Variants in SCAF4 observed in about 807,000 individuals in gnomAD.
SCAF4 encodes SR-related and CTD-associated factor 4.
Under a neutral mutation model 129.8 loss-of-function variants are expected in SCAF4, and 25 were observed. The observed-to-expected ratio is 0.19, with a 90% CI of 0.14 to 0.27. The LOEUF is 0.27. Ranked by LOEUF, SCAF4 falls within the 10% of genes least tolerant of loss-of-function variation. The pLI, the probability that SCAF4 is intolerant of heterozygous loss-of-function variation, is 1.00. For missense variants in SCAF4, 1,246 were observed against 1,457.1 expected, an observed-to-expected ratio of 0.86 and a Z score of 2.36; for synonymous variants, 551 against 497.7, an observed-to-expected ratio of 1.11 and a Z score of -1.43.
At chr21:31,726,394 C>G (rs1392214172) in intron 1 of SCAF4, among the ~76,000 whole-genome samples, 1 of 152,200 alleles carries the variant, frequency 6.6e-6, no homozygotes. Context: ...GGCATGGTGG[C>G]TCATGCCTGC....
chr21:31,671,174 TTTA>T lies in SCAF4; in HGVS notation c.*222_*224del, dbSNP rs2049680132. ...TTGTAAACTTTTTAAAGTCAAAACT[TTTA>T]AAAAGTTACAGCAAAAAGGGTAATA... On this transcript the variant is annotated 3_prime_UTR_variant, in exon 20 of 20. Transcript: ENST00000286835. 2.4e-6 allele frequency: 1 copy of T among 420,334 alleles called. No individual in the cohort carries two copies. Among genetic ancestry groups the T allele is most frequent in the Non-Finnish European group, 4.1e-6 (1 of 242,760 alleles). 26.0% of individuals were successfully genotyped at this position (420,334 alleles called of 1,614,324 possible).
chr21:31,727,685 G>A lies in SCAF4; in HGVS notation c.30+3978C>T, dbSNP rs138452019. The stretch of plus-strand genomic sequence containing the variant: ...TGTGCTCCTGTAGTCCCAGCTACTC[G>A]GGAGGAGAGGCAGGAGAATCGCTTG... On this transcript the variant is annotated intron_variant, in intron 1 of 19. Transcript: ENST00000286835. Among the ~76,000 whole-genome samples, 406 of 152,056 alleles carry A rather than the reference G, an allele frequency of 2.7e-3. 1 individual carries two copies. Among genetic ancestry groups the A allele is most frequent in the African/African-American group, 9.1e-3 (377 of 41,464 alleles).
intron 19 of SCAF4, among the ~76,000 whole-genome samples, chr21:31,675,173 T>TA (rs2049820920): frequency 6.6e-6 from 1 of 151,818 alleles, no homozygotes; most frequent in East Asian, 1.9e-4. Context: ...AAGGAGAAAA[T>TA]ACAGATGAGG....
rs771438094 is a variant in SCAF4 at position 31,694,936 on chromosome 21, A to G, written c.1113T>C (p.Leu371=). 9 of 1,614,142 alleles carry G rather than the reference A, an allele frequency of 5.6e-6. No individual in the cohort carries two copies. In the South Asian group the frequency reaches 9.9e-5, roughly 18 times the overall value. Residue 371 remains leucine (L), a synonymous_variant, in exon 10 of 20, where the codon CTT becomes CTC. Transcript: ENST00000286835. ...CCATGGGAGGAAATGGAGGTGTAGG[A>G]AGAAGTCCAAATCCTGGCATTTGTC... ...PNGQMPGFGL[L]PTPPFPPMAQ... is the part of the protein sequence containing the mutation.
Position 31,685,399 on chromosome 21 carries a change from G to A in SCAF4, c.2295C>T (p.Asn765=). ...ACACAAAGAAAAAAACATGCTTACA[G>A]TTTGGGATGCTTATTGGTGGAGTGT... ...PPHTPPISIP[N]STIAGINEDT... is the part of the protein sequence containing the mutation. Residue 765 remains asparagine, a splice_region_variant and synonymous_variant, in exon 18 of 20, where the codon AAC becomes AAT. Coordinates refer to ENST00000286835, the MANE Select transcript of SCAF4 (RefSeq NM_020706.2). 1 of 1,608,884 alleles carries A rather than the reference G, an allele frequency of 6.2e-7. No homozygotes were observed. The highest frequency in any genetic ancestry group is 8.5e-7 in the Non-Finnish European group (1 of 1,177,210).
chr21:31,724,830 T>C (rs896499704), intron 1 of SCAF4, among the ~76,000 whole-genome samples: 4 of 152,240 alleles, frequency 2.6e-5, no homozygotes, highest in Non-Finnish European at 4.4e-5. Context: ...ATTATTCTAA[T>C]TGCTCTCTGA....
chr21:31,708,286 GA>G (rs557818557), intron 1 of SCAF4, among the ~76,000 whole-genome samples: 253 of 151,844 alleles, frequency 1.7e-3, no homozygotes, highest in African/African-American at 5.8e-3. Flanking sequence ...TGAGGCAGGA[GA>G]ATCGCTTGAA....
At chr21:31,679,526 G>T (rs372805343) in intron 19 of SCAF4, among the ~76,000 whole-genome samples, 2 of 152,074 alleles carry the variant, frequency 1.3e-5, no homozygotes, top group East Asian at 1.9e-4. Flanking sequence ...TGCGGAAAAT[G>T]GAAGAATAAG....
chr21:31,702,506 AG>A, intron 4 of SCAF4, 127 bp from the exon 5 acceptor site: 1 of 841,450 alleles, frequency 1.2e-6, no homozygotes, highest in Non-Finnish European at 1.8e-6. Flanking sequence ...TTCATAAACA[AG>A]GAAAAAAAAA....
At chr21:31,723,357 G>A (rs2051117802) in intron 1 of SCAF4, among the ~76,000 whole-genome samples, 1 of 151,994 alleles carries the variant, frequency 6.6e-6, no homozygotes, top group Non-Finnish European at 1.5e-5. Flanking sequence ...CAGGGCTGAG[G>A]CAGGAGAATT....
intron 1 of SCAF4, among the ~76,000 whole-genome samples, chr21:31,721,725 CT>C (rs1030749806): frequency 2.0e-3 from 253 of 125,412 alleles, no homozygotes; most frequent in East Asian, 0.01. Context: ...AAGAGCAATT[CT>C]TTTTTTTTTT....
chr21:31,700,950 T>G (rs2050515158), intron 7 of SCAF4, 45 bp downstream of exon 7: 2 of 1,573,778 alleles, frequency 1.3e-6, no homozygotes, highest in African/African-American at 2.7e-5. Flanking sequence ...ATAACTCAAG[T>G]TGAGTGATAT....
chr21:31,719,150 C>T (rs1327132441), intron 1 of SCAF4, among the ~76,000 whole-genome samples: 1 of 151,980 alleles, frequency 6.6e-6, no homozygotes, highest in South Asian at 2.1e-4. Context: ...ATTAGCCGGG[C>T]GTGGTGGCAC....
At chr21:31,723,101 A>G (rs1297356229) in intron 1 of SCAF4, among the ~76,000 whole-genome samples, 1 of 152,242 alleles carries the variant, frequency 6.6e-6, no homozygotes, top group Non-Finnish European at 1.5e-5. Flanking sequence ...CTGTATGTAC[A>G]ACATTTTGTA....
chr21:31,717,617 A>G (rs2050949440), intron 1 of SCAF4, among the ~76,000 whole-genome samples: 1 of 152,096 alleles, frequency 6.6e-6, no homozygotes, highest in South Asian at 2.1e-4. Context: ...TCCACAGAGT[A>G]AATCTTGTCT....
chr21:31,700,990 T>C lies in SCAF4; in HGVS notation c.777+5A>G, dbSNP rs779758393. 5 of 1,613,912 alleles carry C rather than the reference T, an allele frequency of 3.1e-6. No homozygotes were observed. In the East Asian group the frequency reaches 6.7e-5, roughly 22 times the overall value. ...GGTGGGGTGGGTTATGTGAGAGAAATATACCTTGTCAAATGCAGTTTTCTG... is the reference window on the plus strand; with the variant it reads ...GGTGGGGTGGGTTATGTGAGAGAAACATACCTTGTCAAATGCAGTTTTCTG... On this transcript the variant is annotated splice_donor_5th_base_variant and intron_variant, in intron 7 of 19. Coordinates refer to ENST00000286835, the MANE Select transcript of SCAF4 (RefSeq NM_020706.2).
At position 31,692,464 on chromosome 21, in the gene SCAF4, A is replaced by G; in HGVS notation, c.1514-15T>C. ...AGTACTGCAAACTTAAAATAAAATT[A>G]CAATCATAAAGAGATTCACATTTGA... On this transcript the variant is annotated splice_polypyrimidine_tract_variant and intron_variant, in intron 12 of 19. Transcript: ENST00000286835. The G allele has an allele frequency of 6.4e-7, 1 of 1,562,004 alleles. No individual in the cohort carries two copies. Among genetic ancestry groups the G allele is most frequent in the South Asian group, 1.1e-5 (1 of 89,768 alleles).
chr21:31,703,943 G>GT lies in SCAF4; in HGVS notation c.160-18dup. ...TGGTTTACACTGCAAGGATAAAGAT[G>GT]TAAGATCAGTACAGAAAAAGCAAAG... On this transcript the variant is annotated splice_polypyrimidine_tract_variant and intron_variant, in intron 3 of 19. Coordinates refer to ENST00000286835, the MANE Select transcript of SCAF4 (RefSeq NM_020706.2). The GT allele has an allele frequency of 6.7e-7, 1 of 1,492,262 alleles. No homozygotes were observed. Among genetic ancestry groups the GT allele is most frequent in the Non-Finnish European group, 9.1e-7 (1 of 1,097,720 alleles). The allele number at this position is 1,492,262 out of a possible 1,614,324, so 92.4% of individuals were successfully genotyped here. A position where few individuals can be genotyped will look rare whatever the true frequency, so the allele number is the denominator to read the frequency against.
In SCAF4 at chr21:31,693,215, T is replaced by C. The variant is rs941284117; in HGVS notation, c.1513+79A>G. ...CAGTGGTAACATTTCTTTTATAGTT[T>C]TGCTAACAGTTATAAAACACTTTAA... On this transcript the variant is annotated intron_variant, in intron 12 of 19. Transcript: ENST00000286835. 31 of 1,012,714 alleles carry C rather than the reference T, an allele frequency of 3.1e-5. No homozygotes were observed. In the Admixed American group the frequency reaches 9.2e-4, roughly 30 times the overall value. 62.7% of individuals were successfully genotyped at this position (1,012,714 alleles called of 1,614,324 possible).
Sources: allele counts gnomAD v4.1 joint callset (sites outside exome capture counted in the v4.1 genomes callset), GRCh38; gene constraint gnomAD v4.1.1; transcripts MANE v1.5; gene names NCBI Gene and HGNC (gene_info 2026-07-23, HGNC 2026-07-21).